Variants in PDS5A observed in about 807,000 individuals in gnomAD.
The protein encoded by PDS5A is PDS5 cohesin associated factor A, also known as sister chromatid cohesion protein PDS5 homolog A.
In PDS5A, 42 loss-of-function variants were observed where a neutral mutation model predicts 167.1. The observed-to-expected ratio is 0.25, with a 90% CI of 0.20 to 0.33. The LOEUF is 0.33. Ranked by LOEUF, PDS5A falls within the 10% of genes least tolerant of loss-of-function variation. The pLI is 1.00. For synonymous variants in PDS5A, 553 were observed against 554.6 expected (o/e 1.00, Z 0.04); for missense variants, 1,033 against 1,605.9 (o/e 0.64, Z 6.10).
chr4:39,929,319 C>T (rs949356232), intron 2 of PDS5A, among the ~76,000 whole-genome samples: 9 of 151,490 alleles, frequency 5.9e-5, no homozygotes, highest in African/African-American at 1.7e-4. Flanking sequence ...CAGCTTCCAT[C>T]GAATATAAAG....
intron 22 of PDS5A, among the ~76,000 whole-genome samples, chr4:39,867,774 A>ACACACACACACACC (rs369419469): frequency 9.2e-6 from 1 of 108,522 alleles, no homozygotes; most frequent in African/African-American, 3.8e-5. Context: ...ACACACACAC[A>ACACACACACACACC]CCCCACAACT....
rs1169667678 is a variant in PDS5A, at chr4:39,977,142, G to A, written c.-41+315C>T. On this transcript the variant is annotated intron_variant, in intron 1 of 32. Coordinates refer to ENST00000303538, the MANE Select transcript of PDS5A (RefSeq NM_001100399.2). The surrounding 1 kb of genome is among the most constrained non-coding windows in gnomAD (Gnocchi z 4.2). ...TCGGACCCGGGGTAGTCCCCGCCGC[G>A]CTGCCACCCCTCCCCTGTTCCGCTC... is the stretch of plus-strand genomic sequence containing the variant. Among the ~76,000 whole-genome samples the A allele has an allele frequency of 1.3e-5, 2 of 151,578 alleles. No homozygotes were observed. The highest frequency in any genetic ancestry group is 3.0e-5 in the Non-Finnish European group (2 of 67,784).
At chr4:39,848,522 C>T in intron 28 of PDS5A, 1 of 293,438 alleles carries the variant, frequency 3.4e-6, no homozygotes, top group Non-Finnish European at 6.5e-6. Flanking sequence ...ACCTGTCCCT[C>T]CTTACACTGT....
intron 26 of PDS5A, among the ~76,000 whole-genome samples, chr4:39,851,992 G>A (rs1315291388): frequency 6.6e-6 from 1 of 152,102 alleles, no homozygotes; most frequent in Non-Finnish European, 1.5e-5. Context: ...TTGCAATAAG[G>A]TTTTAAACAT....
intron 2 of PDS5A, chr4:39,936,855 T>C (rs1256852761): frequency 1.3e-5 from 2 of 152,086 alleles, no homozygotes; most frequent in Admixed American, 1.3e-4. Context: ...TGCTGTGAGC[T>C]AGAAGGAAAA....
At chr4:39,930,653 C>T (rs543329404) in intron 2 of PDS5A, among the ~76,000 whole-genome samples, 104 of 152,110 alleles carry the variant, frequency 6.8e-4, no homozygotes, top group Non-Finnish European at 1.2e-3. Flanking sequence ...TTAAGACAAC[C>T]GTATCAGGTT....
intron 32 of PDS5A, among the ~76,000 whole-genome samples, chr4:39,830,862 T>C (rs1191770566): frequency 2.0e-5 from 3 of 152,378 alleles, no homozygotes; most frequent in Admixed American, 6.5e-5. Context: ...TTTGTTTGCA[T>C]GTACTACCAA....
At chr4:39,851,162 T>A (rs1718088136) in intron 26 of PDS5A, among the ~76,000 whole-genome samples, 2 of 152,174 alleles carry the variant, frequency 1.3e-5, no homozygotes, top group Non-Finnish European at 2.9e-5. Flanking sequence ...ACAACAAATA[T>A]AATAAAAATT....
chr4:39,925,934 CTTAAA>C lies in PDS5A; in HGVS notation c.430-6_430-2del. The C allele has an allele frequency of 8.7e-7, 1 of 1,155,680 alleles. No individual in the cohort carries two copies. The highest frequency in any genetic ancestry group is 1.2e-6 in the Non-Finnish European group (1 of 835,720). 71.6% of individuals were successfully genotyped at this position (1,155,680 alleles called of 1,614,324 possible). A position where few individuals can be genotyped will look rare whatever the true frequency, so the allele number is the denominator to read the frequency against. ...TATATGATTTAACCCAAGCTAAATT[CTTAAA>C]TAAATAAAAATAATTATTGAATTAT... is the stretch of plus-strand genomic sequence containing the variant. On this transcript the variant is annotated splice_acceptor_variant and splice_polypyrimidine_tract_variant and intron_variant, in intron 4 of 32. Coordinates refer to ENST00000303538, the MANE Select transcript of PDS5A (RefSeq NM_001100399.2). LOFTEE classifies it high-confidence loss of function.
chr4:39,866,024 CTGTG>C (rs139720091), intron 23 of PDS5A, among the ~76,000 whole-genome samples: 355 of 152,262 alleles, frequency 2.3e-3, no homozygotes, highest in Admixed American at 4.2e-3. Context: ...TAAACAATCT[CTGTG>C]TGCACATACA....
chr4:39,876,445 C>G (rs1192139660), intron 19 of PDS5A, among the ~76,000 whole-genome samples: 3 of 152,152 alleles, frequency 2.0e-5, no homozygotes, highest in African/African-American at 7.2e-5. Flanking sequence ...TGAATATACT[C>G]TGAACTAATT....
chr4:39,888,678 A>G (rs575584663), intron 17 of PDS5A, among the ~76,000 whole-genome samples: 1 of 139,800 alleles, frequency 7.2e-6, no homozygotes, highest in South Asian at 2.2e-4. Context: ...AAATAAAACA[A>G]GCCAAGAACA....
Position 39,838,128 on chromosome 4 carries a change from T to C in PDS5A, c.3738A>G (p.Ala1246=), listed in dbSNP as rs1716606171. 1 of 1,613,912 alleles carries C rather than the reference T, an allele frequency of 6.2e-7. No homozygotes were observed. The highest frequency in any genetic ancestry group is 1.1e-5 in the South Asian group (1 of 91,048). Residue 1246 remains alanine (A), a synonymous_variant, in exon 32 of 33, where the codon GCA becomes GCG. Transcript: ENST00000303538. ...CATCTGTTTTTTGTTGGATATTCTC[T>C]GCACCAGCTGCTGTTACTGTTCTTT... The part of the protein sequence containing the change: ...GKKRTVTAAG[A]ENIQQKTDEK...
chr4:39,888,878 T>C (rs1204802116), intron 17 of PDS5A, among the ~76,000 whole-genome samples: 5 of 152,204 alleles, frequency 3.3e-5, no homozygotes, highest in Non-Finnish European at 7.3e-5. Flanking sequence ...TACAGTTTAA[T>C]AGCTAAAGAG....
At chr4:39,834,254 G>A (rs1173377175) in intron 32 of PDS5A, among the ~76,000 whole-genome samples, 2 of 151,918 alleles carry the variant, frequency 1.3e-5, no homozygotes, top group Non-Finnish European at 2.9e-5. Flanking sequence ...AAAGCAGACT[G>A]GTCAAGAGTA....
chr4:39,877,471 A>G (rs991530143), intron 18 of PDS5A, among the ~76,000 whole-genome samples: 1 of 152,192 alleles, frequency 6.6e-6, no homozygotes, highest in Non-Finnish European at 1.5e-5. Flanking sequence ...GATTTACAAT[A>G]TTAATAACTA....
intron 2 of PDS5A, among the ~76,000 whole-genome samples, chr4:39,966,107 G>A (rs1348745941): frequency 2.0e-5 from 3 of 152,144 alleles, no homozygotes; most frequent in African/African-American, 7.2e-5. Context: ...TTTAGGACAT[G>A]ATTTTAAGAA....
At position 39,877,116 on chromosome 4, in the gene PDS5A, G is replaced by T; in HGVS notation, c.2030C>A (p.Ala677Glu). The change falls in exon 19 of 33, where the codon GCA becomes GAA. Residue 677 changes from alanine to glutamate, a missense_variant. Coordinates refer to ENST00000303538, the MANE Select transcript of PDS5A (RefSeq NM_001100399.2). ...SFTHPTSFHS[A>E]ETYESLLQCL... is the part of the protein sequence containing the mutation. The stretch of plus-strand genomic sequence containing the variant: ...CTGTAACAAGGACTCATATGTCTCT[G>T]CAGAGTGGAACGAGGTAGGATGTGT... 4 of 1,604,940 alleles carry T rather than the reference G, an allele frequency of 2.5e-6. No homozygotes were observed. The highest frequency in any genetic ancestry group is 3.4e-6 in the Non-Finnish European group (4 of 1,173,696).
intron 31 of PDS5A, among the ~76,000 whole-genome samples, 189 bp from the exon 32 acceptor site, chr4:39,838,397 T>C (rs1036965407): frequency 1.3e-5 from 2 of 152,188 alleles, no homozygotes; most frequent in East Asian, 3.8e-4. Flanking sequence ...CCATGGTGTA[T>C]AGCATATATA....
Sources: gnomAD v4.1 joint callset for allele counts (sites outside exome capture counted in the v4.1 genomes callset) on GRCh38, gnomAD v4.1.1 for gene constraint, Gnocchi (gnomAD v3.1) non-coding constraint, MANE v1.5 for transcripts, NCBI Gene and HGNC (gene_info 2026-07-23, HGNC 2026-07-21) for gene names.